Variants in CDH23 observed in about 807,000 individuals in gnomAD.
The protein encoded by CDH23 is cadherin related 23, also known as cadherin-23.
Under a neutral mutation model 317.1 loss-of-function variants are expected in CDH23, and 189 were observed. The ratio of observed to expected loss-of-function variants is 0.60; its 90% CI spans 0.53 to 0.67. CDH23 has a LOEUF of 0.67. CDH23 is among the 30% of genes least tolerant of loss of function. The probability of loss-of-function intolerance (pLI) is 0.00; values close to 1 mark genes in which losing one functional copy is unlikely to be tolerated. For missense variants in CDH23, 4,401 were observed against 4,592.4 expected (o/e 0.96, Z 1.20); for synonymous variants, 1,839 against 1,876.8 (o/e 0.98, Z 0.52).
At chr10:71,669,851 C>G (rs973702450) in intron 14 of CDH23, among the ~76,000 whole-genome samples, 1 of 151,992 alleles carries the variant, frequency 6.6e-6, no homozygotes, top group Admixed American at 6.6e-5. Context: ...AAAAATATTA[C>G]TAGGCCGGGC....
At chr10:71,704,831 G>T in intron 24 of CDH23, 80 bp from the exon 25 acceptor site, 1 of 1,123,510 alleles carries the variant, frequency 8.9e-7, no homozygotes, top group South Asian at 1.3e-5. Flanking sequence ...GCTTGGCAGG[G>T]AGGAGGAGCA....
intron 3 of CDH23, among the ~76,000 whole-genome samples, chr10:71,465,218 G>T (rs1261542000): frequency 1.3e-5 from 2 of 152,240 alleles, no homozygotes; most frequent in East Asian, 3.8e-4. Context: ...GTGATAGAAA[G>T]TGTTTCCATA....
chr10:71,563,979 G>A (rs146747773), intron 6 of CDH23, among the ~76,000 whole-genome samples: 22 of 152,222 alleles, frequency 1.4e-4, no homozygotes, highest in African/African-American at 5.3e-4. Flanking sequence ...GAACTCCTGG[G>A]TAGGAGCTGC....
At chr10:71,442,689 C>T (rs1849950423) in intron 2 of CDH23, among the ~76,000 whole-genome samples, 1 of 152,172 alleles carries the variant, frequency 6.6e-6, no homozygotes, top group African/African-American at 2.4e-5. Context: ...GCCTGCCCCA[C>T]CCCATCCTAG....
rs1038419051 is a variant in CDH23, at chr10:71,739,637, C to T, written c.4360-7C>T. The T allele has an allele frequency of 1.2e-6, 2 of 1,612,274 alleles. No homozygotes were observed. Among genetic ancestry groups the T allele is most frequent in the East Asian group, 4.5e-5 (2 of 44,818 alleles). On this transcript the variant is annotated splice_region_variant and splice_polypyrimidine_tract_variant and intron_variant, in intron 35 of 69. Transcript: ENST00000224721. The stretch of plus-strand genomic sequence containing the variant: ...TGCTCACCCCTCACCCTCTCTTCTC[C>T]CCACAGGTGGTCTTCTCCCTGGCCT...
chr10:71,604,565 C>T (rs1378189639), intron 9 of CDH23, among the ~76,000 whole-genome samples: 1 of 152,258 alleles, frequency 6.6e-6, no homozygotes, highest in Non-Finnish European at 1.5e-5. Flanking sequence ...GCTTCCTCCT[C>T]TGGGCATCAG....
rs563107753 is a variant in CDH23, at chr10:71,434,737, A to G, written c.-5-5090A>G. Among the ~76,000 whole-genome samples, 11 of 152,290 alleles carry G rather than the reference A, an allele frequency of 7.2e-5. No homozygotes were observed. The East Asian group carries it at 2.1e-3, about 29-fold the overall frequency. Reference sequence around the variant, plus strand: ...GCTTCTGCCAGGGACAAAGGTGTCAACCTTGAGGGGAAGGTGGTGGAGGGA... The same window carrying G: ...GCTTCTGCCAGGGACAAAGGTGTCAGCCTTGAGGGGAAGGTGGTGGAGGGA... On this transcript the variant is annotated intron_variant, in intron 1 of 69. Coordinates refer to ENST00000224721, the MANE Select transcript of CDH23 (RefSeq NM_022124.6).
intron 1 of CDH23, among the ~76,000 whole-genome samples, chr10:71,432,486 AGT>A (rs1008431657): frequency 3.6e-4 from 51 of 142,306 alleles, no homozygotes; most frequent in Admixed American, 4.2e-4. Context: ...TGTGTTTGAG[AGT>A]GTGTGTGTGC....
At chr10:71,538,213 C>T (rs894277127) in intron 6 of CDH23, among the ~76,000 whole-genome samples, 9 of 152,304 alleles carry the variant, frequency 5.9e-5, no homozygotes, top group Middle Eastern at 3.4e-3. Flanking sequence ...AGTTCATTTC[C>T]GATACACTAG....
At chr10:71,554,481 T>A (rs553428821) in intron 6 of CDH23, among the ~76,000 whole-genome samples, 5 of 151,846 alleles carry the variant, frequency 3.3e-5, no homozygotes, top group African/African-American at 9.7e-5. Flanking sequence ...TTTTCTTATT[T>A]AAAAAAAATT....
intron 6 of CDH23, among the ~76,000 whole-genome samples, chr10:71,546,408 G>A (rs1856285145): frequency 6.6e-6 from 1 of 152,210 alleles, no homozygotes; most frequent in South Asian, 2.1e-4. Flanking sequence ...CAGTTGTGGA[G>A]TTTTAATGCA....
rs2132988954 is a variant in CDH23 at position 71,807,589 on chromosome 10, G to A, written c.8382G>A (p.Glu2794=). The stretch of plus-strand genomic sequence containing the variant: ...TGGTGCTGCGGGACCTGGACCGGGA[G>A]CGAGAAGCCATCTTCTCCTTCATCG... The part of the protein sequence containing the change: ...CLLVLRDLDR[E]REAIFSFIVK... The change falls in exon 59 of 70, where the codon GAG becomes GAA. Residue 2794 remains glutamate, a synonymous_variant. Transcript: ENST00000224721. 1 of 1,614,010 alleles carries A rather than the reference G, an allele frequency of 6.2e-7. No individual in the cohort carries two copies. The highest frequency in any genetic ancestry group is 8.5e-7 in the Non-Finnish European group (1 of 1,179,898).
chr10:71,637,139 A>G (rs921803607), intron 11 of CDH23, among the ~76,000 whole-genome samples: 1 of 152,178 alleles, frequency 6.6e-6, no homozygotes, highest in East Asian at 1.9e-4. Context: ...GAAAGGATGG[A>G]CAAAGAAGGA....
At chr10:71,679,625 C>G in intron 17 of CDH23, 133 bp downstream of exon 17, 2 of 721,086 alleles carry the variant, frequency 2.8e-6, no homozygotes, top group Non-Finnish European at 4.8e-6. Flanking sequence ...GGAAGCTGCC[C>G]GGAGCACCTG....
At chr10:71,492,500 A>G (rs960510830) in intron 3 of CDH23, among the ~76,000 whole-genome samples, 2 of 152,152 alleles carry the variant, frequency 1.3e-5, no homozygotes, top group African/African-American at 4.8e-5. Flanking sequence ...TGCCCCTCAA[A>G]CAAAGACAGC....
intron 21 of CDH23, among the ~76,000 whole-genome samples, chr10:71,694,759 T>G (rs978187580): frequency 1.7e-4 from 26 of 152,026 alleles, no homozygotes; most frequent in Non-Finnish European, 1.5e-4. Context: ...AAAGGGGAAG[T>G]GAGAAGCCCT....
intron 38 of CDH23, among the ~76,000 whole-genome samples, chr10:71,763,757 G>T (rs755969352): frequency 1.3e-5 from 2 of 152,258 alleles, no homozygotes; most frequent in Non-Finnish European, 2.9e-5. Context: ...TCGGCGCTTG[G>T]TACTTGGGAG....
At chr10:71,728,157 A>C (rs1350058681) in intron 30 of CDH23, among the ~76,000 whole-genome samples, 1 of 152,174 alleles carries the variant, frequency 6.6e-6, no homozygotes, top group Non-Finnish European at 1.5e-5. Context: ...CTGTTTACCG[A>C]AAAAGAGTTC....
At chr10:71,782,952 C>T (rs1008546276) in intron 41 of CDH23, among the ~76,000 whole-genome samples, 3 of 152,132 alleles carry the variant, frequency 2.0e-5, no homozygotes, top group Admixed American at 2.0e-4. Flanking sequence ...GAGCTGGGGA[C>T]AGGGAATTGT....
Sources: gnomAD v4.1 joint callset for allele counts (sites outside exome capture counted in the v4.1 genomes callset) on GRCh38, gnomAD v4.1.1 for gene constraint, MANE v1.5 for transcripts, NCBI Gene and HGNC (gene_info 2026-07-23, HGNC 2026-07-21) for gene names.